KIR2DL3: variants seen among roughly 807,000 people sequenced by gnomAD.
The protein encoded by KIR2DL3 is killer cell immunoglobulin-like receptor 2DL3.
In KIR2DL3, 39 loss-of-function variants were observed where a neutral mutation model predicts 33.8. The ratio of observed to expected loss-of-function variants is 1.15; its 90% confidence interval spans 0.89 to 1.51. The LOEUF (loss-of-function observed/expected upper bound fraction) is 1.51. Among genes scored for constraint, KIR2DL3 ranks in the 40% most tolerant of loss-of-function variants. The pLI is 0.00. For missense variants in KIR2DL3, 462 were observed against 426.2 expected (o/e 1.08, Z -0.74); for synonymous variants, 174 against 160.2 (o/e 1.09, Z -0.65).
Position 54,752,403 on chromosome 19 carries a change from G to A in KIR2DL3, c.910G>A (p.Ala304Thr), listed in dbSNP as rs4020187. 8.8e-3 allele frequency: 12,929 copies of A among 1,467,886 alleles called. 2,800 individuals are homozygous for A. Among genetic ancestry groups the A allele is most frequent in the Non-Finnish European group, 0.011 (11,978 of 1,078,602 alleles). The allele number at this position is 1,467,886 out of a possible 1,614,324, so 90.9% of individuals were successfully genotyped here. The change falls in exon 8 of 8, where the codon GCA (alanine) becomes ACA (threonine). Residue 304 changes from alanine (A) to threonine (T), a missense_variant. Physicochemically the swap from Ala to Thr is moderately conservative, Grantham distance 58. Coordinates refer to ENST00000342376, the MANE Select transcript of KIR2DL3 (RefSeq NM_015868.3). ...ACAAGACCCTCAGGAGGTGACATATGCACAGTTGAATCACTGCGTTTTCAC... is the reference window on the plus strand; with the variant it reads ...ACAAGACCCTCAGGAGGTGACATATACACAGTTGAATCACTGCGTTTTCAC... ...DEQDPQEVTYAQLNHCVFTQR... is the reference protein window; with the variant it reads ...DEQDPQEVTYTQLNHCVFTQR...
intron 3 of KIR2DL3, among the ~76,000 whole-genome samples, 167 bp from the exon 4 acceptor site, chr19:54,743,628 G>A (rs2071616123): frequency 6.6e-6 from 1 of 151,884 alleles, no homozygotes; most frequent in South Asian, 2.1e-4. Context: ...TAGAGAGACA[G>A]AGAAGGTGGA....
intron 3 of KIR2DL3, among the ~76,000 whole-genome samples, chr19:54,743,280 T>C (rs2071534436): frequency 6.6e-6 from 1 of 152,062 alleles, no homozygotes; most frequent in South Asian, 2.1e-4. Context: ...AGATAATACG[T>C]ACAGATAGAG....
chr19:54,745,335 T>C (rs1480583408), intron 4 of KIR2DL3, among the ~76,000 whole-genome samples: 1 of 152,120 alleles, frequency 6.6e-6, no homozygotes, highest in Non-Finnish European at 1.5e-5. Context: ...CTGGATACTA[T>C]GAAAGTTCTC....
intron 1 of KIR2DL3, 58 bp from the exon 2 acceptor site, chr19:54,739,449 A>C: frequency 6.2e-7 from 1 of 1,613,006 alleles, no homozygotes; most frequent in Non-Finnish European, 8.5e-7. Context: ...CAGTGGGGGC[A>C]GCAAGGGAGG....
intron 2 of KIR2DL3, 149 bp from the exon 3 acceptor site, chr19:54,741,831 C>A (rs2071178731): frequency 8.5e-7 from 1 of 1,175,604 alleles, no homozygotes; most frequent in Non-Finnish European, 1.2e-6. Context: ...AGGACCTGCA[C>A]CAGGAGTTAA....
chr19:54,750,034 G>A (rs188920633), intron 5 of KIR2DL3, among the ~76,000 whole-genome samples: 1 of 132,108 alleles, frequency 7.6e-6, no homozygotes, highest in African/African-American at 2.9e-5. Context: ...TAGGCAATGA[G>A]CTTAAAACCT....
Position 54,738,551 on chromosome 19 carries a change from G to C in KIR2DL3, c.6G>C (p.Ser2=). ...CTGTCTGCACAGACAGCACCATGTC[G>C]CTCATGGTCGTCAGCATGGTGTGTG... M[S]LMVVSMVCVG... Residue 2 remains serine (S), a synonymous_variant, in exon 1 of 8, where the codon TCG becomes TCC. Transcript: ENST00000342376. 1 of 1,614,140 alleles carries C rather than the reference G, an allele frequency of 6.2e-7. No individual in the cohort carries two copies. Among genetic ancestry groups the C allele is most frequent in the Non-Finnish European group, 8.5e-7 (1 of 1,180,044 alleles).
Position 54,751,680 on chromosome 19 carries a change from G to C in KIR2DL3, c.747G>C (p.Gly249=), listed in dbSNP as rs752799790. The change falls in exon 6 of 8, where the codon GGG becomes GGC. Residue 249 remains glycine (G), a synonymous_variant. Transcript: ENST00000342376. ...CCAGACACCTGCATGTTCTGATTGG[G>C]ACCTCAGTGGTCATCATCCTCTTCA... ...GNPRHLHVLI[G]TSVVIILFIL... 122 of 1,480,486 alleles carry C rather than the reference G, an allele frequency of 8.2e-5. 12 individuals carry two copies. Among genetic ancestry groups the C allele is most frequent in the Admixed American group, 1.3e-4 (7 of 54,916 alleles). The allele number at this position is 1,480,486 out of a possible 1,614,324, so 91.7% of individuals were successfully genotyped here.
At position 54,742,152 on chromosome 19, in the gene KIR2DL3, C is replaced by T; in HGVS notation, c.243C>T (p.Ser81=). Residue 81 remains serine (S), a synonymous_variant, in exon 3 of 8, where the codon TCC becomes TCT. Coordinates refer to ENST00000342376, the MANE Select transcript of KIR2DL3 (RefSeq NM_015868.3). ...TTGGAGAGCACCATGATGGGGTCTC[C>T]AAGGCCAACTTCTCCATCGGTCCCA... is the stretch of plus-strand genomic sequence containing the variant. ...HLIGEHHDGV[S]KANFSIGPMM... is the part of the protein sequence containing the mutation. The T allele has an allele frequency of 1.2e-6, 2 of 1,614,076 alleles. No individual in the cohort carries two copies. Among genetic ancestry groups the T allele is most frequent in the Non-Finnish European group, 1.7e-6 (2 of 1,180,004 alleles).
In KIR2DL3 at chr19:54,742,084, C is replaced by G; in HGVS notation, c.175C>G (p.Leu59Val). ...CWSDVRFQHF[L>V]LHREGKFKDT... ...GTCAGATGTCAGGTTTCAGCACTTC[C>G]TTCTGCACAGAGAAGGGAAGTTTAA... Residue 59 changes from leucine to valine, a missense_variant, in exon 3 of 8, where the codon CTT (leucine) becomes GTT (valine). Physicochemically the swap from Leu to Val is conservative, Grantham distance 32. Coordinates refer to ENST00000342376, the MANE Select transcript of KIR2DL3 (RefSeq NM_015868.3). 6.2e-7 allele frequency: 1 copy of G among 1,613,784 alleles called. No homozygotes were observed. Among genetic ancestry groups the G allele is most frequent in the Non-Finnish European group, 8.5e-7 (1 of 1,179,904 alleles).
At chr19:54,744,921 C>CATATATATATGTGTGTATATATATATAT (rs2072105959) in intron 4 of KIR2DL3, among the ~76,000 whole-genome samples, 1 of 25,254 alleles carries the variant, frequency 4.0e-5, no homozygotes, top group African/African-American at 1.3e-4. Context: ...CATATATAAA[C>CATATATATATGTGTGTATATATATATAT]ATATATATAT....
chr19:54,743,777 A>G lies in KIR2DL3; in HGVS notation c.371-18A>G, dbSNP rs772907566. On this transcript the variant is annotated intron_variant, in intron 3 of 7. Transcript: ENST00000342376. The stretch of plus-strand genomic sequence containing the variant: ...ACAAGGAAGATCCTCCGTAAGGAAA[A>G]TGCCTCTTCTCCTCCAGGTCTATAT... 2 of 1,556,646 alleles carry G rather than the reference A, an allele frequency of 1.3e-6. No homozygotes were observed. The highest frequency in any genetic ancestry group is 1.2e-5 in the South Asian group (1 of 85,808).
At chr19:54,738,868 T>A (rs2070333762) in intron 1 of KIR2DL3, among the ~76,000 whole-genome samples, 1 of 49,798 alleles carries the variant, frequency 2.0e-5, no homozygotes, top group South Asian at 7.1e-4. Context: ...GATAGGGGCC[T>A]GGAGTGGAGA....
At chr19:54,743,088 G>A (rs1385571044) in intron 3 of KIR2DL3, among the ~76,000 whole-genome samples, 1 of 151,712 alleles carries the variant, frequency 6.6e-6, no homozygotes, top group African/African-American at 2.4e-5. Context: ...GAGATGTGGG[G>A]ATGAATTGCA....
chr19:54,745,426 C>CG (rs2072310454), intron 4 of KIR2DL3, among the ~76,000 whole-genome samples: 2 of 149,436 alleles, frequency 1.3e-5, no homozygotes, highest in African/African-American at 2.5e-5. Context: ...CAAGTGAAGT[C>CG]ATCTTGGCTC....
chr19:54,744,948 ATATATATTTTTTTTTT>A (rs2072167567), intron 4 of KIR2DL3, among the ~76,000 whole-genome samples: 3 of 26,248 alleles, frequency 1.1e-4, no homozygotes, highest in African/African-American at 4.0e-4. Flanking sequence ...ATATATATAT[ATATATATTTTTTTTTT>A]TTTTTTTTTT....
Position 54,742,267 on chromosome 19 carries a change from A to G in KIR2DL3, c.358A>G (p.Ile120Val), listed in dbSNP as rs747452258. The G allele has an allele frequency of 8.1e-6, 13 of 1,614,022 alleles. No individual in the cohort carries two copies. The East Asian group carries it at 1.3e-4, about 17-fold the overall frequency. ...GTCAGCTCCCAGTGACCCTCTGGAC[A>G]TCGTCATCACAGGTGAGAGTGTCCG... is the stretch of plus-strand genomic sequence containing the variant. Reference protein sequence around the residue: ...QLSAPSDPLDIVITGLYEKPS... With the variant: ...QLSAPSDPLDVVITGLYEKPS... The change falls in exon 3 of 8, where the codon ATC becomes GTC. Residue 120 changes from isoleucine to valine, a missense_variant. Coordinates refer to ENST00000342376, the MANE Select transcript of KIR2DL3 (RefSeq NM_015868.3).
At position 54,752,092 on chromosome 19, in the gene KIR2DL3, T is replaced by G. The variant is rs1256721973; in HGVS notation, c.821-124T>G. 5 of 1,083,626 alleles carry G rather than the reference T, an allele frequency of 4.6e-6. 1 individual carries two copies. The East Asian group carries it at 9.4e-5, about 20-fold the overall frequency. 67.1% of individuals were successfully genotyped at this position (1,083,626 alleles called of 1,614,324 possible). ...AGCTCAGAGAGATAGAATGTCTGAGTCTGCTGTTGGCAACTGAGGGACCTC... is the reference window on the plus strand; with the variant it reads ...AGCTCAGAGAGATAGAATGTCTGAGGCTGCTGTTGGCAACTGAGGGACCTC... On this transcript the variant is annotated intron_variant, in intron 6 of 7. Transcript: ENST00000342376.
chr19:54,738,630 G>C (rs1268362670), intron 1 of KIR2DL3, 51 bp downstream of exon 1: 3 of 1,607,666 alleles, frequency 1.9e-6, no homozygotes, highest in Admixed American at 1.7e-5. Flanking sequence ...GGAGATCGGG[G>C]CCCAGAGTTG....
Sources: allele counts gnomAD v4.1 joint callset (sites outside exome capture counted in the v4.1 genomes callset), GRCh38; gene constraint gnomAD v4.1.1; transcripts MANE v1.5; gene names NCBI Gene and HGNC (gene_info 2026-07-23, HGNC 2026-07-21).